FARP1: variants seen among roughly 807,000 people sequenced by gnomAD.
The protein encoded by FARP1 is FERM, ARHGEF and pleckstrin domain-containing protein 1.
In FARP1, 52 loss-of-function variants were observed where a neutral mutation model predicts 128.8. That is an observed-to-expected ratio of 0.40 (90% confidence interval 0.32 to 0.51). The LOEUF is 0.51. Among genes scored for constraint, FARP1 ranks in the 20% least tolerant of loss-of-function variants. The pLI is 0.45. For synonymous variants in FARP1, 580 were observed against 551.8 expected, an observed-to-expected ratio of 1.05 and a Z score of -0.72; for missense variants, 1,333 against 1,367.9, an observed-to-expected ratio of 0.97 and a Z score of 0.40.
chr13:98,254,650 T>C (rs1594325473), intron 2 of FARP1, among the ~76,000 whole-genome samples: 1 of 152,326 alleles, frequency 6.6e-6, no homozygotes, highest in East Asian at 1.9e-4. Context: ...GTTTACACAT[T>C]CAGATTCAGC....
intron 3 of FARP1, among the ~76,000 whole-genome samples, chr13:98,358,727 G>A (rs202095076): frequency 2.6e-5 from 4 of 151,728 alleles, no homozygotes; most frequent in South Asian, 2.1e-4. Context: ...CCTCCGCCTC[G>A]CAGGTTCAAG....
chr13:98,142,922 C>T (rs1875140420), upstream of FARP1: 1 of 151,634 alleles, frequency 6.6e-6, no homozygotes, highest in Admixed American at 6.6e-5. Context: ...CTCGGGAGGC[C>T]CCTGGGCGCA....
chr13:98,162,021 C>G (rs1478019777), intron 1 of FARP1, among the ~76,000 whole-genome samples: 1 of 152,084 alleles, frequency 6.6e-6, no homozygotes, highest in Non-Finnish European at 1.5e-5. Flanking sequence ...CTCAAGCAGT[C>G]CTCTCCTCTT....
chr13:98,216,083 C>T (rs571024996), intron 2 of FARP1, among the ~76,000 whole-genome samples: 2 of 152,174 alleles, frequency 1.3e-5, no homozygotes, highest in Admixed American at 6.5e-5. Context: ...GCCATCACAC[C>T]TGGCCATATT....
At chr13:98,371,583 A>C (rs1449086823) in intron 5 of FARP1, among the ~76,000 whole-genome samples, 1 of 150,366 alleles carries the variant, frequency 6.7e-6, no homozygotes. Flanking sequence ...TCTCTCCATC[A>C]CTCCCCACTT....
intron 2 of FARP1, among the ~76,000 whole-genome samples, chr13:98,265,554 C>T (rs1222898967): frequency 2.6e-5 from 4 of 151,366 alleles, no homozygotes; most frequent in East Asian, 1.9e-4. Context: ...CTCCTGACCT[C>T]GTGATCCGCC....
intron 1 of FARP1, among the ~76,000 whole-genome samples, chr13:98,156,230 T>C (rs948314945): frequency 6.6e-6 from 1 of 152,220 alleles, no homozygotes; most frequent in Non-Finnish European, 1.5e-5. Flanking sequence ...ACAGATAACG[T>C]ATAAAAACAT....
chr13:98,277,148 A>ACACACACACACC (rs372627844), intron 2 of FARP1, among the ~76,000 whole-genome samples: 2,738 of 138,498 alleles, frequency 0.02, 40 homozygotes, highest in East Asian at 0.035. Flanking sequence ...ACACACACAC[A>ACACACACACACC]CCCCATATGT....
At position 98,446,538 on chromosome 13, in the gene FARP1, C is replaced by T. The variant is rs1027573483; in HGVS notation, c.2905-128C>T. 2.5e-5 allele frequency: 24 copies of T among 960,030 alleles called. No homozygotes were observed. In the African/African-American group the frequency reaches 3.7e-4, roughly 15 times the overall value. 59.5% of individuals were successfully genotyped at this position (960,030 alleles called of 1,614,324 possible). On this transcript the variant is annotated intron_variant, in intron 25 of 26. Transcript: ENST00000319562. ...AGGCAAACACTGGCTGCCATGGTCC[C>T]TTCCAGGCCCACGCCCGAGGAGGGA... is the stretch of plus-strand genomic sequence containing the variant.
In FARP1 at chr13:98,412,027, GC is replaced by G. The variant is rs772149910; in HGVS notation, c.1822del (p.Leu608CysfsTer21). The G allele has an allele frequency of 6.2e-7, 1 of 1,613,976 alleles. No homozygotes were observed. Among genetic ancestry groups the G allele is most frequent in the Non-Finnish European group, 8.5e-7 (1 of 1,179,916 alleles). On this transcript the variant is annotated frameshift_variant, in exon 16 of 27. Coordinates refer to ENST00000319562, the MANE Select transcript of FARP1 (RefSeq NM_005766.4). LOFTEE classifies it high-confidence loss of function. ...NFLKEIEQRL[A>X]LWEGRSNAQI... The stretch of plus-strand genomic sequence containing the variant: ...TCTCAAGGAAATTGAGCAACGACTT[GC>G]CCTGTGGTGAGTACATTTCTACTTC...
intron 17 of FARP1, 94 bp downstream of exon 17, chr13:98,424,744 T>C (rs74111050): frequency 0.11 from 92,306 of 836,256 alleles, 9,825 homozygotes; most frequent in East Asian, 0.38. Context: ...TCCATCAGCA[T>C]GCATCACCTG....
chr13:98,427,407 G>T (rs375389889), intron 17 of FARP1, among the ~76,000 whole-genome samples: 2 of 152,070 alleles, frequency 1.3e-5, no homozygotes, highest in Non-Finnish European at 2.9e-5. Context: ...TTCCAAGGCC[G>T]TTCTGGTTTC....
At chr13:98,421,189 TG>T (rs1171008754) in intron 16 of FARP1, among the ~76,000 whole-genome samples, 2 of 152,356 alleles carry the variant, frequency 1.3e-5, no homozygotes, top group East Asian at 3.9e-4. Flanking sequence ...TGAACGATGC[TG>T]GGGACTTAGA....
chr13:98,436,324 G>C (rs1892266742), intron 19 of FARP1, among the ~76,000 whole-genome samples: 1 of 152,112 alleles, frequency 6.6e-6, no homozygotes. Flanking sequence ...TGACAATGTG[G>C]AGGACAGGAA....
At chr13:98,312,353 A>G (rs1452077028) in intron 2 of FARP1, among the ~76,000 whole-genome samples, 1 of 151,806 alleles carries the variant, frequency 6.6e-6, no homozygotes, top group Non-Finnish European at 1.5e-5. Context: ...GTTAGCCAGG[A>G]TGGTCTCAAT....
intron 2 of FARP1, among the ~76,000 whole-genome samples, chr13:98,320,352 G>A (rs961407242): frequency 3.9e-5 from 6 of 152,134 alleles, no homozygotes; most frequent in Non-Finnish European, 7.3e-5. Flanking sequence ...CCAGGTATTC[G>A]TACTATTATA....
chr13:98,227,647 T>A (rs1198981249), intron 2 of FARP1, among the ~76,000 whole-genome samples: 1 of 152,108 alleles, frequency 6.6e-6, no homozygotes, highest in African/African-American at 2.4e-5. Context: ...GAAAGCAGGA[T>A]CTCGTCGAGA....
chr13:98,384,593 C>T, intron 6 of FARP1, 137 bp from the exon 7 acceptor site: 1 of 626,822 alleles, frequency 1.6e-6, no homozygotes, highest in Admixed American at 2.7e-5. Flanking sequence ...TCTCTGAGAT[C>T]TGGCCCTTCT....
chr13:98,307,178 G>A (rs373108699), intron 2 of FARP1, among the ~76,000 whole-genome samples: 11 of 152,346 alleles, frequency 7.2e-5, no homozygotes, highest in South Asian at 4.1e-4. Flanking sequence ...TTAGAAAGCC[G>A]GAGAAAGCAA....
Sources: gnomAD v4.1 joint callset for allele counts (sites outside exome capture counted in the v4.1 genomes callset) on GRCh38, gnomAD v4.1.1 for gene constraint, MANE v1.5 for transcripts, NCBI Gene and HGNC (gene_info 2026-07-23, HGNC 2026-07-21) for gene names.